Variants in PTPRD observed in about 807,000 individuals in gnomAD.
PTPRD encodes receptor-type tyrosine-protein phosphatase delta.
Under a neutral mutation model 214.5 loss-of-function variants are expected in PTPRD, and 34 were observed. The ratio of observed to expected loss-of-function variants is 0.16; its 90% CI spans 0.12 to 0.21. The LOEUF is 0.21. PTPRD is among the 10% of genes least tolerant of loss of function. The pLI, the probability that PTPRD is intolerant of heterozygous loss-of-function variation, is 1.00. For synonymous variants in PTPRD, 1,128 were observed against 845.7 expected (o/e 1.33, Z -5.79); for missense variants, 2,545 against 2,398.7 (o/e 1.06, Z -1.27).
intron 5 of PTPRD, among the ~76,000 whole-genome samples, chr9:9,918,581 C>T (rs142764048): frequency 4.5e-4 from 69 of 152,064 alleles, no homozygotes; most frequent in African/African-American, 1.3e-3. Flanking sequence ...GCACAAAATA[C>T]TTCAAGTAGC....
intron 11 of PTPRD, among the ~76,000 whole-genome samples, chr9:8,929,561 C>G (rs978989503): frequency 1.3e-5 from 2 of 151,602 alleles, no homozygotes; most frequent in African/African-American, 4.9e-5. Context: ...GGTAGATAAG[C>G]TTTTTGATGT....
intron 9 of PTPRD, among the ~76,000 whole-genome samples, chr9:9,193,295 G>A (rs896193535): frequency 3.3e-5 from 5 of 152,024 alleles, no homozygotes; most frequent in South Asian, 2.1e-4. Flanking sequence ...AAAATCATAC[G>A]CAGAGGAAAA....
intron 8 of PTPRD, among the ~76,000 whole-genome samples, chr9:9,483,780 CTTT>C (rs201946678): frequency 2.9e-5 from 4 of 137,870 alleles, no homozygotes; most frequent in Admixed American, 1.5e-4. Context: ...TGTCTTCTTT[CTTT>C]TTTTTTTTTT....
chr9:8,564,780 T>C (rs1411122394), intron 14 of PTPRD, among the ~76,000 whole-genome samples: 3 of 152,308 alleles, frequency 2.0e-5, no homozygotes, highest in Admixed American at 2.0e-4. Flanking sequence ...GAAATTTTTA[T>C]TTATCCAAAT....
At chr9:9,711,845 T>A (rs2097738246) in intron 7 of PTPRD, among the ~76,000 whole-genome samples, 1 of 152,190 alleles carries the variant, frequency 6.6e-6, no homozygotes, top group African/African-American at 2.4e-5. Flanking sequence ...ACAGCCTCAA[T>A]AATTAGACAT....
At chr9:10,176,144 T>C (rs1338349092) in intron 3 of PTPRD, among the ~76,000 whole-genome samples, 4 of 152,022 alleles carry the variant, frequency 2.6e-5, no homozygotes. Flanking sequence ...AAATACTTCT[T>C]ACTCAATATA....
At chr9:10,454,207 G>C (rs1454355124) in intron 2 of PTPRD, among the ~76,000 whole-genome samples, 2 of 151,384 alleles carry the variant, frequency 1.3e-5, no homozygotes, top group Non-Finnish European at 3.0e-5. Flanking sequence ...ATTTCAGCTA[G>C]TTATTGTTTA....
intron 11 of PTPRD, among the ~76,000 whole-genome samples, chr9:8,825,573 A>C (rs776047444): frequency 5.3e-5 from 8 of 152,234 alleles, no homozygotes; most frequent in Non-Finnish European, 1.0e-4. Context: ...CAACGTTTTA[A>C]GCAAAGTTTA....
At chr9:8,605,691 T>A (rs554759859) in intron 14 of PTPRD, among the ~76,000 whole-genome samples, 1 of 152,320 alleles carries the variant, frequency 6.6e-6, no homozygotes, top group South Asian at 2.1e-4. Flanking sequence ...CAGAATGCTT[T>A]TGCACATGAT....
At chr9:10,224,070 T>C (rs1468079697) in intron 3 of PTPRD, among the ~76,000 whole-genome samples, 8 of 152,078 alleles carry the variant, frequency 5.3e-5, no homozygotes, top group Admixed American at 4.6e-4. Context: ...AATCTTCATA[T>C]AATATTAAGT....
chr9:10,169,180 A>G (rs918141541), intron 3 of PTPRD, among the ~76,000 whole-genome samples: 18 of 152,152 alleles, frequency 1.2e-4, no homozygotes, highest in Admixed American at 2.6e-4. Context: ...GAAAAAACCT[A>G]TGAATAAAAG....
chr9:8,463,006 A>C (rs2096456151), intron 32 of PTPRD, among the ~76,000 whole-genome samples: 2 of 151,968 alleles, frequency 1.3e-5, no homozygotes, highest in Admixed American at 6.6e-5. Context: ...TCATCTTTTC[A>C]AATGGCTGAA....
intron 8 of PTPRD, among the ~76,000 whole-genome samples, chr9:9,488,454 G>A (rs1187255614): frequency 3.9e-5 from 6 of 152,130 alleles, no homozygotes; most frequent in Admixed American, 1.3e-4. Flanking sequence ...AAAGCAACTG[G>A]AGAATAGTGT....
chr9:9,697,544 C>T (rs182244660), intron 7 of PTPRD, among the ~76,000 whole-genome samples: 264 of 152,106 alleles, frequency 1.7e-3, no homozygotes, highest in African/African-American at 6.1e-3. Context: ...AATAAGAAGT[C>T]TGTTGCCAAA....
chr9:10,375,742 G>C (rs963869213), intron 2 of PTPRD, among the ~76,000 whole-genome samples: 5 of 151,966 alleles, frequency 3.3e-5, no homozygotes, highest in Non-Finnish European at 5.9e-5. Flanking sequence ...TGTGGTGATA[G>C]AATATCTGGA....
At chr9:8,582,164 C>T (rs540324755) in intron 14 of PTPRD, among the ~76,000 whole-genome samples, 2 of 152,124 alleles carry the variant, frequency 1.3e-5, no homozygotes, top group South Asian at 4.1e-4. Context: ...GGCAGTATTT[C>T]ACATCAGGAG....
At position 8,667,335 on chromosome 9, in the gene PTPRD, G is replaced by A. The variant is rs147105067; in HGVS notation, c.65-30491C>T. Among the ~76,000 whole-genome samples the A allele has an allele frequency of 7.9e-5, 12 of 152,136 alleles. No homozygotes were observed. In the East Asian group the frequency reaches 1.9e-3, roughly 25 times the overall value. On this transcript the variant is annotated intron_variant, in intron 12 of 45. Coordinates refer to ENST00000381196, the MANE Select transcript of PTPRD (RefSeq NM_002839.4). ...GCCTGGGCAACAAGAGCAAAACGTC[G>A]TCTCTAAATAAATAAATAAAACAAA...
At chr9:9,040,045 A>C (rs547622615) in intron 10 of PTPRD, among the ~76,000 whole-genome samples, 12 of 152,152 alleles carry the variant, frequency 7.9e-5, no homozygotes, top group African/African-American at 2.4e-4. Context: ...TACAATTCAG[A>C]GAAAGGAAAA....
intron 9 of PTPRD, among the ~76,000 whole-genome samples, chr9:9,334,377 G>T (rs76136481): frequency 1.0e-3 from 158 of 152,014 alleles, no homozygotes; most frequent in Non-Finnish European, 2.0e-3. Context: ...GCAAGCATCA[G>T]GTCAGTATTC....
Sources: gnomAD v4.1 joint callset for allele counts (sites outside exome capture counted in the v4.1 genomes callset) on GRCh38, gnomAD v4.1.1 for gene constraint, MANE v1.5 for transcripts, NCBI Gene and HGNC (gene_info 2026-07-23, HGNC 2026-07-21) for gene names.